NPSR1: variants seen among roughly 807,000 people sequenced by gnomAD.
The protein encoded by NPSR1 is neuropeptide S receptor.
In NPSR1, 48 loss-of-function variants were observed where a neutral mutation model predicts 46.9. The ratio of observed to expected loss-of-function variants is 1.02; its 90% confidence interval spans 0.81 to 1.30. NPSR1 has a LOEUF of 1.30. Among genes scored for constraint, NPSR1 ranks in the 50% most tolerant of loss-of-function variants. The pLI is 0.00. For missense variants in NPSR1, 450 were observed against 449.5 expected (o/e 1.00, Z -0.01); for synonymous variants, 176 against 168.1 (o/e 1.05, Z -0.36).
At chr7:34,862,060 T>C (rs574490974) in intron 8 of NPSR1, among the ~76,000 whole-genome samples, 4 of 151,938 alleles carry the variant, frequency 2.6e-5, no homozygotes, top group African/African-American at 9.7e-5. Context: ...CACCCTTTGT[T>C]TCCTTATTGT....
At chr7:34,797,306 A>G (rs941018305) in intron 3 of NPSR1, among the ~76,000 whole-genome samples, 5 of 152,204 alleles carry the variant, frequency 3.3e-5, no homozygotes, top group African/African-American at 1.2e-4. Context: ...CCAAGAGTGA[A>G]TCCTAATGTA....
Position 34,728,345 on chromosome 7 carries a change from C to T in NPSR1, c.280+43661C>T, listed in dbSNP as rs376410598. Among the ~76,000 whole-genome samples the T allele has an allele frequency of 9.9e-5, 15 of 152,212 alleles. No homozygotes were observed. The East Asian group carries it at 1.9e-3, about 20-fold the overall frequency. ...AACATCCTCCCAATCTATTCTGGGC[C>T]AAGGAGGCATGCTGGAGGCGGGCTG... On this transcript the variant is annotated intron_variant, in intron 2 of 8. Transcript: ENST00000360581.
At chr7:34,740,168 A>T (rs1186786633) in intron 2 of NPSR1, among the ~76,000 whole-genome samples, 2 of 151,944 alleles carry the variant, frequency 1.3e-5, no homozygotes, top group Non-Finnish European at 1.5e-5. Flanking sequence ...TGTCATGCAC[A>T]TTGTCAGGGA....
chr7:34,831,859 A>T (rs1369676608), intron 5 of NPSR1, among the ~76,000 whole-genome samples: 7 of 152,170 alleles, frequency 4.6e-5, no homozygotes, highest in Non-Finnish European at 8.8e-5. Flanking sequence ...AAAAAAAAAA[A>T]GTGGAAAAAG....
chr7:34,836,124 A>C (rs907449957), intron 6 of NPSR1, among the ~76,000 whole-genome samples: 8 of 152,134 alleles, frequency 5.3e-5, no homozygotes, highest in African/African-American at 1.9e-4. Context: ...TCCAGCCCCC[A>C]TGCAGATCCT....
At chr7:34,781,405 C>T (rs530877649) in intron 3 of NPSR1, among the ~76,000 whole-genome samples, 5 of 152,192 alleles carry the variant, frequency 3.3e-5, no homozygotes, top group South Asian at 2.1e-4. Context: ...TTTGCAGCAA[C>T]ATCGTGAAGG....
intron 2 of NPSR1, among the ~76,000 whole-genome samples, chr7:34,745,147 T>C (rs1421924583): frequency 1.3e-5 from 2 of 152,242 alleles, no homozygotes; most frequent in Admixed American, 1.3e-4. Flanking sequence ...TTACTGATTA[T>C]AGAACATTCC....
At chr7:34,730,038 T>C (rs939386493) in intron 2 of NPSR1, among the ~76,000 whole-genome samples, 2 of 152,202 alleles carry the variant, frequency 1.3e-5, no homozygotes, top group African/African-American at 4.8e-5. Context: ...CCTCCCAAAG[T>C]GCTGGGATTA....
At chr7:34,743,097 G>C (rs1035276782) in intron 2 of NPSR1, among the ~76,000 whole-genome samples, 1 of 151,970 alleles carries the variant, frequency 6.6e-6, no homozygotes, top group Admixed American at 6.6e-5. Flanking sequence ...TATTCTGTAG[G>C]GTGTCTTTTT....
At chr7:34,687,540 T>C (rs1434408184) in intron 2 of NPSR1, among the ~76,000 whole-genome samples, 2 of 152,178 alleles carry the variant, frequency 1.3e-5, no homozygotes, top group Non-Finnish European at 2.9e-5. Flanking sequence ...GCAGGGGGAA[T>C]GCCAGATGCT....
chr7:34,818,342 C>A (rs770684494), intron 4 of NPSR1, among the ~76,000 whole-genome samples: 4 of 152,012 alleles, frequency 2.6e-5, no homozygotes, highest in Non-Finnish European at 4.4e-5. Flanking sequence ...AATAAAATAC[C>A]TAAGAATCCA....
intron 3 of NPSR1, among the ~76,000 whole-genome samples, chr7:34,804,966 G>A (rs1584060715): frequency 6.6e-6 from 1 of 151,684 alleles, no homozygotes; most frequent in South Asian, 2.1e-4. Context: ...TGAAACTTAG[G>A]TGTAAATCTA....
At chr7:34,850,669 G>T (rs938723380), downstream of NPSR1, among the ~76,000 whole-genome samples, 10 of 152,050 alleles carry the variant, frequency 6.6e-5, no homozygotes, top group Non-Finnish European at 1.3e-4. Flanking sequence ...CAAAGTGCTG[G>T]GATTACAGGC....
At chr7:34,774,372 C>T (rs1020103338) in intron 2 of NPSR1, among the ~76,000 whole-genome samples, 1 of 152,156 alleles carries the variant, frequency 6.6e-6, no homozygotes, top group African/African-American at 2.4e-5. Context: ...CATGCAGCCT[C>T]TTCATGCCAG....
At chr7:34,799,035 G>A (rs530340825) in intron 3 of NPSR1, among the ~76,000 whole-genome samples, 1 of 152,006 alleles carries the variant, frequency 6.6e-6, no homozygotes, top group Non-Finnish European at 1.5e-5. Flanking sequence ...CTAATCTTAG[G>A]CCTTAGGAAA....
chr7:34,744,553 G>T (rs1785111532), intron 2 of NPSR1, among the ~76,000 whole-genome samples: 2 of 152,164 alleles, frequency 1.3e-5, no homozygotes, highest in South Asian at 2.1e-4. Flanking sequence ...AATGCAGATG[G>T]CTGGACTTCC....
chr7:34,782,717 G>T (rs760807558), intron 3 of NPSR1, among the ~76,000 whole-genome samples: 3 of 151,750 alleles, frequency 2.0e-5, no homozygotes, highest in Non-Finnish European at 2.9e-5. Flanking sequence ...TCAACATAAG[G>T]CAAAAATAAA....
At chr7:34,795,705 G>A (rs1259095635) in intron 3 of NPSR1, among the ~76,000 whole-genome samples, 1 of 152,082 alleles carries the variant, frequency 6.6e-6, no homozygotes, top group Non-Finnish European at 1.5e-5. Context: ...AATAAAATAT[G>A]TGCAAGATCT....
intron 2 of NPSR1, among the ~76,000 whole-genome samples, chr7:34,691,376 T>C (rs535672020): frequency 6.6e-6 from 1 of 152,138 alleles, no homozygotes; most frequent in South Asian, 2.1e-4. Flanking sequence ...TTAATATTAA[T>C]CTTGAATGCA....
Sources: allele counts gnomAD v4.1 joint callset (sites outside exome capture counted in the v4.1 genomes callset), GRCh38; gene constraint gnomAD v4.1.1; transcripts MANE v1.5; gene names NCBI Gene and HGNC (gene_info 2026-07-23, HGNC 2026-07-21).